ADARB2: variants seen among roughly 807,000 people sequenced by gnomAD.
ADARB2 encodes inactive double-stranded RNA-specific editase B2.
A neutral mutation model predicts 62.2 loss-of-function variants in ADARB2; 25 were observed. The ratio of observed to expected loss-of-function variants is 0.40; its 90% CI spans 0.29 to 0.56. ADARB2 has a LOEUF of 0.56. Ranked by LOEUF, ADARB2 falls within the 20% of genes least tolerant of loss-of-function variation. The pLI, the probability that ADARB2 is intolerant of heterozygous loss-of-function variation, is 0.43. For synonymous variants in ADARB2, 572 were observed against 500.8 expected (o/e 1.14, Z -1.90); for missense variants, 1,071 against 1,077.4 (o/e 0.99, Z 0.08).
chr10:1,190,609 CCTT>C (rs1180461741), intron 8 of ADARB2, among the ~76,000 whole-genome samples: 3 of 152,120 alleles, frequency 2.0e-5, no homozygotes, highest in African/African-American at 7.2e-5. Context: ...TGGAGAGACC[CCTT>C]CTTGACTCTC....
intron 1 of ADARB2, among the ~76,000 whole-genome samples, chr10:1,437,408 C>T (rs1289640461): frequency 6.6e-6 from 1 of 152,094 alleles, no homozygotes; most frequent in Non-Finnish European, 1.5e-5. Flanking sequence ...TCCATAGAGT[C>T]ACAGGACACA....
chr10:1,542,876 C>A (rs1198352746), intron 1 of ADARB2, among the ~76,000 whole-genome samples: 1 of 145,184 alleles, frequency 6.9e-6, no homozygotes, highest in African/African-American at 2.5e-5. Flanking sequence ...AGTTCAGACC[C>A]TGGATCACAG....
chr10:1,670,872 G>A (rs1163679506), intron 1 of ADARB2, among the ~76,000 whole-genome samples: 1 of 152,104 alleles, frequency 6.6e-6, no homozygotes, highest in African/African-American at 2.4e-5. Flanking sequence ...TGGCAAAAAC[G>A]CTTCCAGACA....
At chr10:1,446,941 ATTG>A (rs1198833868) in intron 1 of ADARB2, among the ~76,000 whole-genome samples, 2 of 152,188 alleles carry the variant, frequency 1.3e-5, no homozygotes, top group African/African-American at 2.4e-5. Flanking sequence ...ATTCTTCTTA[ATTG>A]AATTATAGCG....
At chr10:1,323,880 A>G (rs1831819727) in intron 3 of ADARB2, among the ~76,000 whole-genome samples, 1 of 152,254 alleles carries the variant, frequency 6.6e-6, no homozygotes, top group African/African-American at 2.4e-5. Context: ...AGCACCATCC[A>G]TAAAAGGAAA....
At chr10:1,216,671 A>C (rs1830626191) in intron 7 of ADARB2, 13 of 477,970 alleles carry the variant, frequency 2.7e-5, no homozygotes, top group Non-Finnish European at 4.9e-5. Flanking sequence ...CCATGCAGCC[A>C]CAGCCTGGGG....
Position 1,217,025 on chromosome 10 carries a change from G to A in ADARB2, c.1608C>T (p.Ser536=), listed in dbSNP as rs772906125. Reference sequence around the variant, plus strand: ...GGACGCCGTCCCAGGTCTGCACTGCGCTGGGGCCACGCACGGGGACCGTCC... The same window carrying A: ...GGACGCCGTCCCAGGTCTGCACTGCACTGGGGCCACGCACGGGGACCGTCC... ...GEGTVPVRGP[S]AVQTWDGVLL... Residue 536 remains serine, a synonymous_variant, in exon 7 of 10, where the codon AGC becomes AGT. Coordinates refer to ENST00000381312, the MANE Select transcript of ADARB2 (RefSeq NM_018702.4). The A allele has an allele frequency of 5.6e-6, 9 of 1,611,566 alleles. No homozygotes were observed. The highest frequency in any genetic ancestry group is 3.3e-5 in the South Asian group (3 of 90,826).
intron 1 of ADARB2, among the ~76,000 whole-genome samples, chr10:1,736,807 C>G (rs1588371606): frequency 6.6e-6 from 1 of 152,320 alleles, no homozygotes; most frequent in East Asian, 1.9e-4. Flanking sequence ...GCCCTCGCCC[C>G]ACTTCGTCCG....
In ADARB2 at chr10:1,644,537, A is replaced by T. The variant is rs144961789; in HGVS notation, c.100+92514T>A. On this transcript the variant is annotated intron_variant, in intron 1 of 9. Transcript: ENST00000381312. Reference sequence around the variant, plus strand: ...GCAAAACGTGCACATGCTGGTGGTGACACAGGTTATCATCGGTGGTGACAG... The same window carrying T: ...GCAAAACGTGCACATGCTGGTGGTGTCACAGGTTATCATCGGTGGTGACAG... Among the ~76,000 whole-genome samples the T allele has an allele frequency of 5.1e-3, 775 of 152,374 alleles. 9 individuals are homozygous for T. Among genetic ancestry groups the T allele is most frequent in the African/African-American group, 0.018 (737 of 41,598 alleles).
At chr10:1,439,044 G>C (rs867821694) in intron 1 of ADARB2, among the ~76,000 whole-genome samples, 141 of 40,536 alleles carry the variant, frequency 3.5e-3, no homozygotes, top group African/African-American at 4.6e-3. Flanking sequence ...CTGAGTCTCT[G>C]CCAGGATGGA....
rs1589143984 is a variant in ADARB2 at position 1,182,229 on chromosome 10, T to C, written c.*964A>G. On this transcript the variant is annotated 3_prime_UTR_variant, in exon 10 of 10. Coordinates refer to ENST00000381312, the MANE Select transcript of ADARB2 (RefSeq NM_018702.4). The stretch of plus-strand genomic sequence containing the variant: ...TTGATCAAAGACTTGGTCTCCTTAT[T>C]ACCTGGTAGGGAGGTTATAGGGTGG... The C allele has an allele frequency of 6.6e-6, 1 of 152,408 alleles. No individual in the cohort carries two copies. Among genetic ancestry groups the C allele is most frequent in the East Asian group, 1.9e-4 (1 of 5,194 alleles). 9.4% of individuals were successfully genotyped at this position (152,408 alleles called of 1,614,324 possible). A position where few individuals can be genotyped will look rare whatever the true frequency, so the allele number is the denominator to read the frequency against.
intron 4 of ADARB2, among the ~76,000 whole-genome samples, chr10:1,260,181 C>A (rs1475946854): frequency 1.3e-5 from 2 of 152,030 alleles, no homozygotes; most frequent in Non-Finnish European, 2.9e-5. Flanking sequence ...TATGACAAAC[C>A]CACAGCCAAT....
At chr10:1,291,438 C>G (rs993590994) in intron 3 of ADARB2, 3 of 152,280 alleles carry the variant, frequency 2.0e-5, no homozygotes, top group Admixed American at 6.5e-5. Flanking sequence ...GGGGTCGGAG[C>G]TCCTTCACAG....
chr10:1,483,534 T>G (rs988792279), intron 1 of ADARB2, among the ~76,000 whole-genome samples: 4 of 152,120 alleles, frequency 2.6e-5, no homozygotes, highest in Admixed American at 6.5e-5. Flanking sequence ...CATTTTTTTT[T>G]CCTTGAGAAG....
intron 1 of ADARB2, among the ~76,000 whole-genome samples, chr10:1,729,735 C>T (rs904460834): frequency 2.6e-5 from 4 of 152,196 alleles, no homozygotes; most frequent in African/African-American, 7.2e-5. Flanking sequence ...GGACCCTCTA[C>T]TCGTTTGTTT....
intron 3 of ADARB2, among the ~76,000 whole-genome samples, chr10:1,295,532 G>C (rs1831515447): frequency 6.6e-6 from 1 of 152,158 alleles, no homozygotes; most frequent in Non-Finnish European, 1.5e-5. Flanking sequence ...GAGGACAAGA[G>C]GACCCTGAGT....
At chr10:1,314,662 T>G (rs964392093) in intron 3 of ADARB2, among the ~76,000 whole-genome samples, 7 of 151,884 alleles carry the variant, frequency 4.6e-5, no homozygotes, top group Non-Finnish European at 8.8e-5. Flanking sequence ...CAGAGCTGAG[T>G]CTGAGGTGCC....
At chr10:1,199,647 GGCCAGGTGGGCA>G (rs1836958094) in intron 8 of ADARB2, 2 of 284,910 alleles carry the variant, frequency 7.0e-6, no homozygotes, top group African/African-American at 2.2e-5. Context: ...GCAGGTGGGC[GGCCAGGTGGGCA>G]GGTGGGGCCT....
chr10:1,510,110 C>CTTTCTTTCTTTCTTTTTTCTTTCTTTCTT (rs1289777469), intron 1 of ADARB2, among the ~76,000 whole-genome samples: 28 of 106,252 alleles, frequency 2.6e-4, no homozygotes, highest in African/African-American at 1.0e-3. Context: ...CTTTCTTTCT[C>CTTTCTTTCTTTCTTTTTTCTTTCTTTCTT]TCTTTCTTTC....
Sources: gnomAD v4.1 joint callset for allele counts (sites outside exome capture counted in the v4.1 genomes callset) on GRCh38, gnomAD v4.1.1 for gene constraint, MANE v1.5 for transcripts, NCBI Gene and HGNC (gene_info 2026-07-23, HGNC 2026-07-21) for gene names.